The following TMEM184C variants were observed in gnomAD, a reference collection of about 807,000 sequenced individuals.
TMEM184C encodes the protein transmembrane protein 184C.
In TMEM184C, 25 loss-of-function variants were observed where a neutral mutation model predicts 54.5. That is an observed-to-expected ratio of 0.46 (90% CI 0.33 to 0.64). TMEM184C has a LOEUF of 0.64. Among genes scored for constraint, TMEM184C ranks in the 30% least tolerant of loss-of-function variants. The pLI, the probability that TMEM184C is intolerant of heterozygous loss-of-function variation, is 0.02. For missense variants in TMEM184C, 335 were observed against 520.3 expected, an observed-to-expected ratio of 0.64 and a Z score of 3.46; for synonymous variants, 148 against 181.5, an observed-to-expected ratio of 0.82 and a Z score of 1.49.
At chr4:147,630,826 A>G (rs1045137960) in intron 6 of TMEM184C, among the ~76,000 whole-genome samples, 2 of 152,078 alleles carry the variant, frequency 1.3e-5, no homozygotes, top group African/African-American at 4.8e-5. Flanking sequence ...GAAAATGTTT[A>G]TTGTTATTCA....
chr4:147,618,453 T>A (rs1218733611), intron 1 of TMEM184C, among the ~76,000 whole-genome samples: 2 of 152,220 alleles, frequency 1.3e-5, no homozygotes, highest in African/African-American at 4.8e-5. Flanking sequence ...TATTAGCTTT[T>A]AACTAGCTTC....
In TMEM184C at chr4:147,633,872, C is replaced by T; in HGVS notation, c.987C>T (p.Ser329=). ...QEAEEGSCFD[S]FLAMWDVSDI... The stretch of plus-strand genomic sequence containing the variant: ...CAGAAGAGGGCTCATGCTTTGATTC[C>T]TTTCTTGCCATGTGGGATGTCTCAG... The change falls in exon 9 of 10, where the codon TCC becomes TCT. Residue 329 remains serine (S), a synonymous_variant. Coordinates refer to ENST00000296582, the MANE Select transcript of TMEM184C (RefSeq NM_018241.3). 2 of 1,613,880 alleles carry T rather than the reference C, an allele frequency of 1.2e-6. No homozygotes were observed. The highest frequency in any genetic ancestry group is 1.7e-6 in the Non-Finnish European group (2 of 1,179,964).
At chr4:147,622,546 ATC>A (rs1461136646) in intron 1 of TMEM184C, among the ~76,000 whole-genome samples, 1 of 152,172 alleles carries the variant, frequency 6.6e-6, no homozygotes, top group Non-Finnish European at 1.5e-5. Flanking sequence ...ATTTGGGACT[ATC>A]TATAGTTTTA....
chr4:147,623,988 C>T (rs1732763351), intron 2 of TMEM184C, 24 bp downstream of exon 2: 2 of 1,612,872 alleles, frequency 1.2e-6, no homozygotes, highest in Non-Finnish European at 1.7e-6. Flanking sequence ...ATTTTGATTC[C>T]ACTACTGTTG....
chr4:147,627,722 A>G (rs985267880), intron 4 of TMEM184C, among the ~76,000 whole-genome samples: 6 of 152,056 alleles, frequency 3.9e-5, no homozygotes, highest in Non-Finnish European at 5.9e-5. Flanking sequence ...CAACATAGTG[A>G]GACTCCCATG....
chr4:147,621,580 T>C (rs552913072), intron 1 of TMEM184C, among the ~76,000 whole-genome samples: 2 of 152,332 alleles, frequency 1.3e-5, no homozygotes, highest in South Asian at 2.1e-4. Context: ...TATTACAATG[T>C]TACTTAAATA....
rs1578864971 is a variant in TMEM184C, at chr4:147,636,628, A to C, written c.*2194A>C. 6.6e-6 allele frequency: 1 copy of C among 152,268 alleles called. No homozygotes were observed. Among genetic ancestry groups the C allele is most frequent in the South Asian group, 2.1e-4 (1 of 4,834 alleles). The allele number at this position is 152,268 out of a possible 1,614,324, so 9.4% of individuals were successfully genotyped here. A position where few individuals can be genotyped will look rare whatever the true frequency, so the allele number is the denominator to read the frequency against. On this transcript the variant is annotated 3_prime_UTR_variant, in exon 10 of 10. Transcript: ENST00000296582. ...CAAAAACAAAAACAAATGTGACTACATCAAACCAAAAAGCTTCTGACAGTA... is the reference window on the plus strand; with the variant it reads ...CAAAAACAAAAACAAATGTGACTACCTCAAACCAAAAAGCTTCTGACAGTA...
At chr4:147,623,733 C>A in intron 1 of TMEM184C, 101 bp from the exon 2 acceptor site, 1 of 1,176,634 alleles carries the variant, frequency 8.5e-7, no homozygotes, top group Non-Finnish European at 1.2e-6. Context: ...CCACCTCGGC[C>A]TCCCCAAGTG....
At chr4:147,622,690 C>G (rs973766269) in intron 1 of TMEM184C, among the ~76,000 whole-genome samples, 2 of 152,094 alleles carry the variant, frequency 1.3e-5, no homozygotes, top group Admixed American at 1.3e-4. Context: ...TAGAGTCTTA[C>G]GTCCATATAT....
At chr4:147,625,885 A>G (rs967243715) in intron 4 of TMEM184C, among the ~76,000 whole-genome samples, 9 of 152,188 alleles carry the variant, frequency 5.9e-5, no homozygotes, top group African/African-American at 2.2e-4. Context: ...TTTTATTATT[A>G]CTCAAATCAG....
chr4:147,630,006 TAA>T (rs1254155541), intron 6 of TMEM184C, among the ~76,000 whole-genome samples: 2 of 143,742 alleles, frequency 1.4e-5, no homozygotes, highest in Non-Finnish European at 1.5e-5. Flanking sequence ...CAGTGCTACA[TAA>T]AAAAAAAAAT....
In TMEM184C at chr4:147,624,050, C is replaced by T. The variant is rs752482189; in HGVS notation, c.255-12C>T. On this transcript the variant is annotated splice_polypyrimidine_tract_variant and intron_variant, in intron 2 of 9. Transcript: ENST00000296582. Reference sequence around the variant, plus strand: ...TAAAATGTTTTAAATTTCTGTTTTCCTTTTCCAATAGGATTCTTTGGATGG... The same window carrying T: ...TAAAATGTTTTAAATTTCTGTTTTCTTTTTCCAATAGGATTCTTTGGATGG... 1.2e-6 allele frequency: 2 copies of T among 1,610,754 alleles called. No homozygotes were observed. The highest frequency in any genetic ancestry group is 2.2e-5 in the East Asian group (1 of 44,732).
intron 7 of TMEM184C, 97 bp downstream of exon 7, chr4:147,631,602 G>A: frequency 1.2e-6 from 1 of 818,166 alleles, no homozygotes. Flanking sequence ...GCGGAAGATA[G>A]ATTAAAATGT....
chr4:147,624,588 T>C (rs1169726663), intron 3 of TMEM184C, among the ~76,000 whole-genome samples: 2 of 152,174 alleles, frequency 1.3e-5, no homozygotes, highest in Non-Finnish European at 2.9e-5. Context: ...CCTCAAACAC[T>C]TGTTTTTGTT....
chr4:147,623,136 G>A (rs967111261), intron 1 of TMEM184C, among the ~76,000 whole-genome samples: 3 of 152,094 alleles, frequency 2.0e-5, no homozygotes, highest in Non-Finnish European at 4.4e-5. Flanking sequence ...GGTAGAGGAA[G>A]AAAAAGTCCT....
At chr4:147,629,387 T>G (rs1250003087) in intron 5 of TMEM184C, among the ~76,000 whole-genome samples, 2 of 151,892 alleles carry the variant, frequency 1.3e-5, no homozygotes, top group East Asian at 3.8e-4. Context: ...AAAAAATGGG[T>G]TTTTCATTTT....
chr4:147,627,463 T>C (rs1732835602), intron 4 of TMEM184C, among the ~76,000 whole-genome samples: 2 of 151,906 alleles, frequency 1.3e-5, no homozygotes, highest in African/African-American at 4.8e-5. Flanking sequence ...GTTATTTTTT[T>C]TGTAGAGACA....
At position 147,631,466 on chromosome 4, in the gene TMEM184C, A is replaced by G. The variant is rs1473605039; in HGVS notation, c.740A>G (p.Lys247Arg). The change falls in exon 7 of 10, where the codon AAA becomes AGA. Residue 247 changes from lysine to arginine, a missense_variant. Transcript: ENST00000296582. ...CTGAGCCCAATCCAACCTGTTGGCA[A>G]ATTTCTTTGTGTAAAGCTGGTGGTT... ...EELSPIQPVG[K>R]FLCVKLVVFV... The G allele has an allele frequency of 3.7e-6, 6 of 1,608,278 alleles. No individual in the cohort carries two copies. Among genetic ancestry groups the G allele is most frequent in the Non-Finnish European group, 5.1e-6 (6 of 1,178,838 alleles).
chr4:147,634,395 A>C lies in TMEM184C; in HGVS notation c.1278A>C (p.Gly426=). 1 of 1,614,050 alleles carries C rather than the reference A, an allele frequency of 6.2e-7. No homozygotes were observed. Among genetic ancestry groups the C allele is most frequent in the Non-Finnish European group, 8.5e-7 (1 of 1,180,002 alleles). The change falls in exon 10 of 10, where the codon GGA becomes GGC. Residue 426 remains glycine (G), a synonymous_variant. Transcript: ENST00000296582. Reference sequence around the variant, plus strand: ...ATGAAATCCTTAGTGATACTATAGGAGAGAAAAAAGAACCTTCAGATAAAT... The same window carrying C: ...ATGAAATCCTTAGTGATACTATAGGCGAGAAAAAAGAACCTTCAGATAAAT... ...ISDEILSDTI[G]EKKEPSDKSV...
Sources: allele counts gnomAD v4.1 joint callset (sites outside exome capture counted in the v4.1 genomes callset), GRCh38; gene constraint gnomAD v4.1.1; transcripts MANE v1.5; gene names NCBI Gene and HGNC (gene_info 2026-07-23, HGNC 2026-07-21).